Variants in INPP4A observed in about 807,000 individuals in gnomAD.
INPP4A encodes the protein inositol polyphosphate-4-phosphatase, type I, 107kD.
In INPP4A, 33 loss-of-function variants were observed where a neutral mutation model predicts 119.8. The ratio of observed to expected loss-of-function variants is 0.28; its 90% CI spans 0.21 to 0.37. The LOEUF (loss-of-function observed/expected upper bound fraction) is 0.37. INPP4A is among the 10% of genes least tolerant of loss of function. The pLI, the probability that INPP4A is intolerant of heterozygous loss-of-function variation, is 1.00. For synonymous variants in INPP4A, 496 were observed against 500.7 expected (o/e 0.99, Z 0.12); for missense variants, 956 against 1,289.9 (o/e 0.74, Z 3.97).
At chr2:98,456,132 T>C (rs1696098433) in intron 1 of INPP4A, among the ~76,000 whole-genome samples, 1 of 152,244 alleles carries the variant, frequency 6.6e-6, no homozygotes, top group Non-Finnish European at 1.5e-5. Flanking sequence ...ACTGTCTTTC[T>C]CTTTCTGGCA....
chr2:98,584,587 C>T (rs756379847), intron 24 of INPP4A, among the ~76,000 whole-genome samples: 7 of 152,282 alleles, frequency 4.6e-5, no homozygotes, highest in Non-Finnish European at 8.8e-5. Flanking sequence ...ATTGTCACCA[C>T]ACCTTTCTGC....
intron 4 of INPP4A, among the ~76,000 whole-genome samples, chr2:98,533,136 C>T (rs889955068): frequency 1.1e-4 from 16 of 152,206 alleles, no homozygotes; most frequent in Admixed American, 1.0e-3. Flanking sequence ...GGGAAGCCCC[C>T]GTCAGCGCAG....
At chr2:98,460,670 G>T (rs1388124570) in intron 1 of INPP4A, among the ~76,000 whole-genome samples, 5 of 152,168 alleles carry the variant, frequency 3.3e-5, no homozygotes, top group Non-Finnish European at 5.9e-5. Context: ...TGGCCTCCTT[G>T]TCTCCGCTCT....
chr2:98,520,677 T>C lies in INPP4A; in HGVS notation c.107-10T>C. ...AAGGATGATTTTTCTGTCATTTCTT[T>C]TCTATTCAGGAAATATACAAGACCC... On this transcript the variant is annotated splice_polypyrimidine_tract_variant and intron_variant, in intron 3 of 24. Transcript: ENST00000409851. 6.8e-7 allele frequency: 1 copy of C among 1,472,210 alleles called. No individual in the cohort carries two copies. Among genetic ancestry groups the C allele is most frequent in the Non-Finnish European group, 9.2e-7 (1 of 1,083,652 alleles). The allele number at this position is 1,472,210 out of a possible 1,614,324, so 91.2% of individuals were successfully genotyped here.
chr2:98,511,368 A>G (rs1304818339), intron 1 of INPP4A, among the ~76,000 whole-genome samples: 1 of 152,132 alleles, frequency 6.6e-6, no homozygotes, highest in Non-Finnish European at 1.5e-5. Context: ...AAAGCACATT[A>G]CTTTCCTGTA....
Position 98,566,749 on chromosome 2 carries a change from C to T in INPP4A, c.2420+580C>T, listed in dbSNP as rs559272268. Among the ~76,000 whole-genome samples, 3 of 152,026 alleles carry T rather than the reference C, an allele frequency of 2.0e-5. No individual in the cohort carries two copies. The highest frequency in any genetic ancestry group is 7.3e-5 in the African/African-American group (3 of 41,372). On this transcript the variant is annotated intron_variant, in intron 21 of 24. Coordinates refer to ENST00000409851, the MANE Select transcript of INPP4A (RefSeq NM_001134225.2). This position sits in a 1 kb window ranked among gnomAD's most constrained non-coding sequence, Gnocchi z 4.2. ...CACTGCAGAGGGGAGTTGTGTGTGC[C>T]TGTGTGTGCACGTGTGCCTGTGTGC...
intron 17 of INPP4A, among the ~76,000 whole-genome samples, chr2:98,561,387 C>A (rs1695442751): frequency 6.6e-6 from 1 of 152,162 alleles, no homozygotes; most frequent in Non-Finnish European, 1.5e-5. Flanking sequence ...TTCACTAGAT[C>A]CTGCGTGGAA....
intron 4 of INPP4A, among the ~76,000 whole-genome samples, chr2:98,528,572 T>A (rs1355891263): frequency 6.9e-6 from 1 of 144,814 alleles, no homozygotes; most frequent in Non-Finnish European, 1.5e-5. Flanking sequence ...GAACTCCACA[T>A]AGGATAAACT....
In INPP4A at chr2:98,575,965, T is replaced by C. The variant is rs117835869; in HGVS notation, c.2632-1024T>C. Among the ~76,000 whole-genome samples the C allele has an allele frequency of 3.3e-5, 5 of 152,374 alleles. No individual in the cohort carries two copies. The East Asian group carries it at 9.6e-4, about 29-fold the overall frequency. Reference sequence around the variant, plus strand: ...GTGGTACACAGTTGGTGTTTACTTATGTAAGTAATATGGTGCCCATCGCAT... The same window carrying C: ...GTGGTACACAGTTGGTGTTTACTTACGTAAGTAATATGGTGCCCATCGCAT... On this transcript the variant is annotated intron_variant, in intron 23 of 24. Coordinates refer to ENST00000409851, the MANE Select transcript of INPP4A (RefSeq NM_001134225.2).
In INPP4A at chr2:98,593,417, T is replaced by A. The variant is rs1014726601; in HGVS notation, c.*5809T>A. ...CGTCTCTGACCATCCCTCCTCACTC[T>A]CAAATTTTATGTTGCCCACCACCTG... On this transcript the variant is annotated 3_prime_UTR_variant, in exon 25 of 25. Transcript: ENST00000409851. 1 of 152,310 alleles carries A rather than the reference T, an allele frequency of 6.6e-6. No individual in the cohort carries two copies. Among genetic ancestry groups the A allele is most frequent in the African/African-American group, 2.4e-5 (1 of 41,446 alleles). 9.4% of individuals were successfully genotyped at this position (152,310 alleles called of 1,614,324 possible).
At chr2:98,526,620 C>T (rs917375427) in intron 4 of INPP4A, among the ~76,000 whole-genome samples, 1 of 152,110 alleles carries the variant, frequency 6.6e-6, no homozygotes, top group African/African-American at 2.4e-5. Context: ...AGGCTTACAG[C>T]ACTCTGGGTA....
At chr2:98,575,312 C>G (rs72821966) in intron 23 of INPP4A, among the ~76,000 whole-genome samples, 4,124 of 152,352 alleles carry the variant, frequency 0.027, 79 homozygotes, top group Middle Eastern at 0.044. Flanking sequence ...TGCCTGCCTT[C>G]CAGAACCTCA....
chr2:98,453,659 G>A (rs188170848), intron 1 of INPP4A, among the ~76,000 whole-genome samples: 166 of 152,184 alleles, frequency 1.1e-3, no homozygotes, highest in African/African-American at 3.8e-3. Context: ...TCTGTGACTC[G>A]CCATAGATCA....
At chr2:98,473,750 C>A (rs1223833128) in intron 1 of INPP4A, among the ~76,000 whole-genome samples, 1 of 151,994 alleles carries the variant, frequency 6.6e-6, no homozygotes, top group African/African-American at 2.4e-5. Flanking sequence ...TGGATCCAGG[C>A]CTTTAGTATC....
At chr2:98,495,686 A>G (rs949557115) in intron 1 of INPP4A, among the ~76,000 whole-genome samples, 1 of 152,250 alleles carries the variant, frequency 6.6e-6, no homozygotes, top group Non-Finnish European at 1.5e-5. Context: ...GTGTTAAGTT[A>G]TTACCTGAAG....
At chr2:98,568,943 G>T in intron 22 of INPP4A, 1 of 358,852 alleles carries the variant, frequency 2.8e-6, no homozygotes, top group Middle Eastern at 8.0e-4. Flanking sequence ...GTGTTTGGTG[G>T]CATGCATTGT....
chr2:98,479,980 A>G (rs757982599), intron 1 of INPP4A, among the ~76,000 whole-genome samples: 1 of 152,172 alleles, frequency 6.6e-6, no homozygotes, highest in Non-Finnish European at 1.5e-5. Context: ...ACTGCCCCCA[A>G]ACAGCACAGA....
chr2:98,533,818 G>A (rs1170221187), intron 5 of INPP4A, among the ~76,000 whole-genome samples: 1 of 152,224 alleles, frequency 6.6e-6, no homozygotes, highest in African/African-American at 2.4e-5. Context: ...CTTTGCAAGA[G>A]TGGTGCTCAT....
At chr2:98,468,426 T>TG (rs1675241461) in intron 1 of INPP4A, among the ~76,000 whole-genome samples, 2 of 152,044 alleles carry the variant, frequency 1.3e-5, no homozygotes, top group South Asian at 2.1e-4. Context: ...TTTGTAGGGA[T>TG]GGGGGTCTTG....
Sources: gnomAD v4.1 joint callset for allele counts (sites outside exome capture counted in the v4.1 genomes callset) on GRCh38, gnomAD v4.1.1 for gene constraint, Gnocchi (gnomAD v3.1) non-coding constraint, MANE v1.5 for transcripts, NCBI Gene and HGNC (gene_info 2026-07-23, HGNC 2026-07-21) for gene names.